SPTSSA: variants seen among roughly 807,000 people sequenced by gnomAD.
The protein encoded by SPTSSA is small subunit of serine palmitoyltransferase A.
Under a neutral mutation model 9.1 loss-of-function variants are expected in SPTSSA, and 8 were observed. That is an observed-to-expected ratio of 0.88 (90% CI 0.51 to 1.58). The LOEUF is 1.58. SPTSSA is among the 40% of genes most tolerant of loss of function. The probability of loss-of-function intolerance (pLI) is 0.00; values close to 1 mark genes in which losing one functional copy is unlikely to be tolerated. For synonymous variants in SPTSSA, 42 were observed against 37.7 expected (o/e 1.11, Z -0.41); for missense variants, 100 against 93.8 (o/e 1.07, Z -0.27).
intron 1 of SPTSSA, among the ~76,000 whole-genome samples, chr14:34,453,834 A>G (rs905894504): frequency 1.3e-5 from 2 of 152,098 alleles, no homozygotes; most frequent in Non-Finnish European, 2.9e-5. Context: ...TACATCTTCT[A>G]GAACACATAG....
chr14:34,459,385 G>A (rs1040123615), intron 1 of SPTSSA, among the ~76,000 whole-genome samples: 9 of 131,002 alleles, frequency 6.9e-5, no homozygotes, highest in Admixed American at 3.6e-4. Flanking sequence ...GCTTGAATCC[G>A]GGATGCAAAG....
At chr14:34,447,328 G>A (rs900858863) in intron 1 of SPTSSA, among the ~76,000 whole-genome samples, 6 of 151,208 alleles carry the variant, frequency 4.0e-5, no homozygotes, top group South Asian at 4.2e-4. Context: ...TTGGTATGGT[G>A]ACCCGGGTAA....
At position 34,443,681 on chromosome 14, in the gene SPTSSA, G is replaced by A. The variant is rs559540803; in HGVS notation, c.113-8377C>T. Among the ~76,000 whole-genome samples, 15 of 151,994 alleles carry A rather than the reference G, an allele frequency of 9.9e-5. No homozygotes were observed. In the East Asian group the frequency reaches 2.3e-3, roughly 24 times the overall value. The stretch of plus-strand genomic sequence containing the variant: ...CCCCCAAGTAGCTGGGATTACAGGT[G>A]CCCGCCACCACACCCAGGTAATTTT... On this transcript the variant is annotated intron_variant, in intron 1 of 1. Coordinates refer to ENST00000298130, the MANE Select transcript of SPTSSA (RefSeq NM_138288.4).
intron 1 of SPTSSA, among the ~76,000 whole-genome samples, chr14:34,435,623 C>CTTTTT (rs769896697): frequency 7.2e-4 from 67 of 92,434 alleles, no homozygotes; most frequent in African/African-American, 2.8e-3. Flanking sequence ...GTTTGTTTCT[C>CTTTTT]TTTTTTTTTT....
chr14:34,454,597 G>A (rs1270238792), intron 1 of SPTSSA, among the ~76,000 whole-genome samples: 1 of 152,194 alleles, frequency 6.6e-6, no homozygotes. Flanking sequence ...AACTAAAGCA[G>A]TAGGGCCCTG....
chr14:34,451,983 A>G (rs527441872), intron 1 of SPTSSA, among the ~76,000 whole-genome samples: 1 of 152,184 alleles, frequency 6.6e-6, no homozygotes, highest in South Asian at 2.1e-4. Flanking sequence ...GATCATCACC[A>G]ACAGAAATGT....
intron 1 of SPTSSA, among the ~76,000 whole-genome samples, chr14:34,446,463 A>T (rs1883424191): frequency 6.6e-6 from 1 of 152,214 alleles, no homozygotes; most frequent in African/African-American, 2.4e-5. Context: ...ACTTTTATTT[A>T]TGAAGGGGTC....
intron 1 of SPTSSA, among the ~76,000 whole-genome samples, chr14:34,439,666 C>T (rs1359653111): frequency 6.6e-6 from 1 of 152,124 alleles, no homozygotes; most frequent in Non-Finnish European, 1.5e-5. Flanking sequence ...CCATACTGCT[C>T]TGGCTTTGCT....
chr14:34,456,812 T>C (rs968934268), intron 1 of SPTSSA, among the ~76,000 whole-genome samples: 10 of 150,510 alleles, frequency 6.6e-5, no homozygotes, highest in South Asian at 2.1e-4. Flanking sequence ...GGCGGAACAA[T>C]TGCTTGAATC....
chr14:34,462,025 G>T (rs954828330), intron 1 of SPTSSA, 71 bp downstream of exon 1: 230 of 1,119,954 alleles, frequency 2.1e-4, no homozygotes, highest in South Asian at 2.6e-4. Flanking sequence ...CAGGCCCGGG[G>T]CCTGGGGAAA....
chr14:34,445,054 C>T (rs1883396862), intron 1 of SPTSSA, among the ~76,000 whole-genome samples: 1 of 151,596 alleles, frequency 6.6e-6, no homozygotes, highest in African/African-American at 2.4e-5. Context: ...CACACCGTTG[C>T]ACCCCAGCCT....
chr14:34,451,631 G>A (rs916299483), intron 1 of SPTSSA, among the ~76,000 whole-genome samples: 2 of 151,176 alleles, frequency 1.3e-5, no homozygotes, highest in Admixed American at 1.3e-4. Flanking sequence ...GCTGAGGCAG[G>A]AGAATGGCGT....
At chr14:34,441,229 A>G (rs1191625440) in intron 1 of SPTSSA, among the ~76,000 whole-genome samples, 9 of 152,182 alleles carry the variant, frequency 5.9e-5, no homozygotes, top group Non-Finnish European at 1.5e-5. Flanking sequence ...TAGGGTCTGG[A>G]GGCAGGGAAC....
At chr14:34,452,482 T>C (rs1566425798) in intron 1 of SPTSSA, among the ~76,000 whole-genome samples, 1 of 152,206 alleles carries the variant, frequency 6.6e-6, no homozygotes. Context: ...AAGCTTTCTA[T>C]AGTGTGCTGA....
At chr14:34,460,541 CTG>C (rs927288813) in intron 1 of SPTSSA, among the ~76,000 whole-genome samples, 2 of 152,126 alleles carry the variant, frequency 1.3e-5, no homozygotes, top group African/African-American at 4.8e-5. Context: ...TCATTGATAA[CTG>C]TAGCATTTTA....
chr14:34,446,446 G>C (rs763352781), intron 1 of SPTSSA, among the ~76,000 whole-genome samples: 1 of 152,184 alleles, frequency 6.6e-6, no homozygotes, highest in Non-Finnish European at 1.5e-5. Context: ...GTGGATTTAT[G>C]GAGTGTACTT....
intron 1 of SPTSSA, 75 bp downstream of exon 1, chr14:34,462,021 C>G (rs1878630247): frequency 2.7e-6 from 3 of 1,098,134 alleles, no homozygotes; most frequent in Non-Finnish European, 3.4e-6. Context: ...ACCCCAGGCC[C>G]GGGGCCTGGG....
intron 1 of SPTSSA, among the ~76,000 whole-genome samples, chr14:34,445,159 CTT>C (rs911276522): frequency 6.6e-6 from 1 of 151,612 alleles, no homozygotes; most frequent in Admixed American, 6.6e-5. Flanking sequence ...GTAGAAAAAA[CTT>C]TTTTTTTCTT....
intron 1 of SPTSSA, among the ~76,000 whole-genome samples, chr14:34,447,723 G>T (rs1300429133): frequency 6.6e-6 from 1 of 152,184 alleles, no homozygotes; most frequent in Non-Finnish European, 1.5e-5. Context: ...AAACGGGGTT[G>T]TTTGTGCTAA....
Sources: gnomAD v4.1 joint callset for allele counts (sites outside exome capture counted in the v4.1 genomes callset) on GRCh38, gnomAD v4.1.1 for gene constraint, MANE v1.5 for transcripts, NCBI Gene and HGNC (gene_info 2026-07-23, HGNC 2026-07-21) for gene names.